Variants in PTPRF observed in about 807,000 individuals in gnomAD.
PTPRF encodes receptor-type tyrosine-protein phosphatase F.
Under a neutral mutation model 201.8 loss-of-function variants are expected in PTPRF, and 59 were observed. The ratio of observed to expected loss-of-function variants is 0.29; its 90% CI spans 0.24 to 0.36. PTPRF has a LOEUF of 0.36. PTPRF is among the 10% of genes least tolerant of loss of function. The pLI, the probability that PTPRF is intolerant of heterozygous loss-of-function variation, is 1.00. For missense variants in PTPRF, 2,132 were observed against 2,690.5 expected, an observed-to-expected ratio of 0.79 and a Z score of 4.59; for synonymous variants, 1,088 against 1,089.7, an observed-to-expected ratio of 1.00 and a Z score of 0.03.
At chr1:43,591,696 G>C in intron 9 of PTPRF, 116 bp from the exon 10 acceptor site, 1 of 1,465,520 alleles carries the variant, frequency 6.8e-7, no homozygotes. Flanking sequence ...TGTGTGGTCA[G>C]TTGGGATGTA....
chr1:43,609,965 G>A (rs191865486), intron 22 of PTPRF, among the ~76,000 whole-genome samples: 1 of 152,244 alleles, frequency 6.6e-6, no homozygotes, highest in Admixed American at 6.5e-5. Flanking sequence ...ACCATACCAC[G>A]TACCTGCCCC....
rs1186829781 is a variant in PTPRF at position 43,591,256 on chromosome 1, G to T, written c.1234G>T (p.Ala412Ser). 6 of 1,576,610 alleles carry T rather than the reference G, an allele frequency of 3.8e-6. No homozygotes were observed. Among genetic ancestry groups the T allele is most frequent in the Non-Finnish European group, 5.2e-6 (6 of 1,163,154 alleles). ...EAVRARTGEQ[A>S]PSSPPRRVQA... ...AGTGCGGGCACGCACGGGAGAACAGGCGCCCTCCAGCCCACCGCGCCGCGT... is the reference window on the plus strand; with the variant it reads ...AGTGCGGGCACGCACGGGAGAACAGTCGCCCTCCAGCCCACCGCGCCGCGT... Residue 412 changes from alanine to serine, a missense_variant, in exon 9 of 34, where the codon GCG (alanine) becomes TCG (serine). Physicochemically the swap from Ala to Ser is moderately conservative, Grantham distance 99. Transcript: ENST00000359947.
chr1:43,539,554 G>A (rs1230672611), intron 2 of PTPRF, among the ~76,000 whole-genome samples: 3 of 152,238 alleles, frequency 2.0e-5, no homozygotes, highest in African/African-American at 7.2e-5. Context: ...AAGGAAATGT[G>A]TATGTCCTGG....
intron 5 of PTPRF, among the ~76,000 whole-genome samples, chr1:43,569,317 T>G (rs937499316): frequency 2.0e-5 from 3 of 150,214 alleles, no homozygotes; most frequent in Non-Finnish European, 2.9e-5. Flanking sequence ...CCTGGAGAGA[T>G]AAGTGCTGAC....
At chr1:43,593,967 C>T (rs186427766) in intron 11 of PTPRF, among the ~76,000 whole-genome samples, 8 of 151,990 alleles carry the variant, frequency 5.3e-5, no homozygotes, top group Admixed American at 4.6e-4. Context: ...GCCTGGGTGA[C>T]GAGCAAAACT....
chr1:43,592,797 G>C (rs1651183108), intron 11 of PTPRF, among the ~76,000 whole-genome samples, 196 bp downstream of exon 11: 1 of 152,070 alleles, frequency 6.6e-6, no homozygotes, highest in Non-Finnish European at 1.5e-5. Flanking sequence ...CAGTCCAGGC[G>C]GCTGCTGCCC....
chr1:43,614,530 AT>A (rs751352723), intron 23 of PTPRF, among the ~76,000 whole-genome samples: 80 of 152,134 alleles, frequency 5.3e-4, no homozygotes, highest in Non-Finnish European at 8.7e-4. Flanking sequence ...TAGGAAGGGG[AT>A]TTGTTAGAGA....
In PTPRF at chr1:43,619,718, C is replaced by T; in HGVS notation, c.4971C>T (p.Ile1657=). 1 of 1,614,240 alleles carries T rather than the reference C, an allele frequency of 6.2e-7. No homozygotes were observed. The highest frequency in any genetic ancestry group is 8.5e-7 in the Non-Finnish European group (1 of 1,180,030). The change falls in exon 29 of 34, where the codon ATC becomes ATT. Residue 1657 remains isoleucine, a synonymous_variant. Transcript: ENST00000359947. ...CCAAGGCCCACACGTCCCGCTTCATCAGCGCCAACCTGCCCTGCAACAAGT... is the reference window on the plus strand; with the variant it reads ...CCAAGGCCCACACGTCCCGCTTCATTAGCGCCAACCTGCCCTGCAACAAGT... ...ASSKAHTSRF[I]SANLPCNKFK...
At chr1:43,584,937 C>G (rs1053611035) in intron 7 of PTPRF, among the ~76,000 whole-genome samples, 4 of 152,192 alleles carry the variant, frequency 2.6e-5, no homozygotes, top group African/African-American at 9.7e-5. Context: ...GGCGCCGCAC[C>G]GCCCTATTAT....
At chr1:43,604,819 C>A in intron 16 of PTPRF, 84 bp from the exon 17 acceptor site, 1 of 1,162,486 alleles carries the variant, frequency 8.6e-7, no homozygotes, top group Non-Finnish European at 1.3e-6. Flanking sequence ...AGTGTCTCAT[C>A]CTGGCCATTC....
At position 43,546,757 on chromosome 1, in the gene PTPRF, T is replaced by C. The variant is rs886243459; in HGVS notation, c.91+1591T>C. Among the ~76,000 whole-genome samples the C allele has an allele frequency of 3.7e-4, 57 of 152,190 alleles. No homozygotes were observed. Among genetic ancestry groups the C allele is most frequent in the African/African-American group, 1.3e-3 (54 of 41,514 alleles). On this transcript the variant is annotated intron_variant, in intron 3 of 33. Transcript: ENST00000359947. The surrounding 1 kb of genome is among the most constrained non-coding windows in gnomAD (Gnocchi z 4.2). ...CATCCCCCAGCCTGCTGTCTTCCCG[T>C]GTTCTCTCCCGTGAAAGGCATTACC...
At position 43,603,728 on chromosome 1, in the gene PTPRF, G is replaced by C. The variant is rs567638313; in HGVS notation, c.2576G>C (p.Arg859Pro). 6.8e-6 allele frequency: 11 copies of C among 1,613,712 alleles called. No individual in the cohort carries two copies. Among genetic ancestry groups the C allele is most frequent in the South Asian group, 6.6e-5 (6 of 91,076 alleles). Residue 859 changes from arginine to proline, a missense_variant, in exon 16 of 34, where the codon CGG (arginine) becomes CCG (proline). This residue lies in a region of PTPRF where 818 missense variants were observed against 915.3 expected (regional missense o/e 0.89). Transcript: ENST00000359947. The surrounding 1 kb of genome is among the most constrained non-coding windows in gnomAD (Gnocchi z 5.8). ...CTGGGCTACCGGCTGCAGTACTGCC[G>C]GGCCGACGAGGCGCGGCCCAACACC... ...ELLGYRLQYCRADEARPNTID... is the reference protein window; with the variant it reads ...ELLGYRLQYCPADEARPNTID...
intron 27 of PTPRF, 42 bp downstream of exon 27, chr1:43,619,244 G>GGGGGGGT: frequency 1.8e-6 from 1 of 563,390 alleles, no homozygotes; most frequent in Non-Finnish European, 3.4e-6. Context: ...GGTGGGGTGG[G>GGGGGGGT]AGGTGGGGGC....
chr1:43,534,940 G>A (rs181423539), intron 1 of PTPRF, among the ~76,000 whole-genome samples: 2 of 152,334 alleles, frequency 1.3e-5, no homozygotes, highest in Admixed American at 1.3e-4. Flanking sequence ...TATAAGGGTT[G>A]TTATGAGGAT....
chr1:43,577,971 C>T (rs752057343), intron 6 of PTPRF, among the ~76,000 whole-genome samples: 8 of 152,144 alleles, frequency 5.3e-5, no homozygotes, highest in Non-Finnish European at 1.0e-4. Context: ...GGATCCACCC[C>T]CACCTTGCCG....
intron 13 of PTPRF, among the ~76,000 whole-genome samples, chr1:43,601,677 C>T (rs1653781595): frequency 6.6e-6 from 1 of 152,244 alleles, no homozygotes; most frequent in African/African-American, 2.4e-5. Flanking sequence ...ACCCCATTCA[C>T]CCCTCAGTGT....
chr1:43,523,420 T>C (rs1038558904), upstream of PTPRF, among the ~76,000 whole-genome samples: 1 of 151,960 alleles, frequency 6.6e-6, no homozygotes, highest in African/African-American at 2.4e-5. Context: ...GGCATGGGCG[T>C]CGAGGGACAG....
chr1:43,575,144 C>T (rs1158683376), intron 6 of PTPRF, among the ~76,000 whole-genome samples: 2 of 152,148 alleles, frequency 1.3e-5, no homozygotes, highest in Non-Finnish European at 2.9e-5. Flanking sequence ...GAGAAGGTAC[C>T]TGTTGGGGAT....
chr1:43,593,136 C>T (rs566173108), intron 11 of PTPRF, among the ~76,000 whole-genome samples: 29 of 152,364 alleles, frequency 1.9e-4, no homozygotes, highest in Admixed American at 2.0e-4. Context: ...CCAGCCTGCC[C>T]ACGTGTGCCT....
Sources: allele counts gnomAD v4.1 joint callset (sites outside exome capture counted in the v4.1 genomes callset), GRCh38; gene constraint gnomAD v4.1.1; regional missense constraint gnomAD v4.1.1; non-coding constraint Gnocchi (gnomAD v3.1); transcripts MANE v1.5; gene names NCBI Gene and HGNC (gene_info 2026-07-23, HGNC 2026-07-21).